TDP2: variants seen among roughly 807,000 people sequenced by gnomAD.
TDP2 encodes tyrosyl-DNA phosphodiesterase 2.
In TDP2, 38 loss-of-function variants were observed where a neutral mutation model predicts 42.8. The observed-to-expected ratio is 0.89, with a 90% CI of 0.68 to 1.16. The LOEUF (loss-of-function observed/expected upper bound fraction) is 1.16. Ranked by LOEUF, TDP2 falls within the 50% of genes most tolerant of loss-of-function variation. TDP2 has a pLI of 0.00. For synonymous variants in TDP2, 173 were observed against 150.6 expected (o/e 1.15, Z -1.09); for missense variants, 439 against 439.3 (o/e 1.00, Z 0.01).
chr6:24,656,108 A>G (rs1778057239), intron 4 of TDP2, among the ~76,000 whole-genome samples: 1 of 152,240 alleles, frequency 6.6e-6, no homozygotes, highest in African/African-American at 2.4e-5. Flanking sequence ...AAAACAATGC[A>G]GGGAAAGAGA....
chr6:24,650,937 G>T lies in TDP2; in HGVS notation c.940C>A (p.Arg314Ser). 1 of 1,614,084 alleles carries T rather than the reference G, an allele frequency of 6.2e-7. No individual in the cohort carries two copies. Among genetic ancestry groups the T allele is most frequent in the Non-Finnish European group, 8.5e-7 (1 of 1,180,010 alleles). ...NLGITAACKL[R>S]FDRIFFRAAA... Reference sequence around the variant, plus strand: ...GCTCTGAAAAATATTCGATCAAAACGAAGTTTACAAGCAGCAGTTATTCCA... The same window carrying T: ...GCTCTGAAAAATATTCGATCAAAACTAAGTTTACAAGCAGCAGTTATTCCA... The change falls in exon 7 of 7, where the codon CGT becomes AGT. Residue 314 changes from arginine to serine, a missense_variant. By Grantham distance (110) the Arg-to-Ser change is moderately radical. Transcript: ENST00000378198.
In TDP2 at chr6:24,653,170, A is replaced by G. The variant is rs1411492560; in HGVS notation, c.637-17T>C. On this transcript the variant is annotated splice_polypyrimidine_tract_variant and intron_variant, in intron 5 of 6. Transcript: ENST00000378198. ...CACGTTCACCTGCAGCAGGACAAAC[A>G]GTCATTAAAACTGTCCACTGACTAT... The G allele has an allele frequency of 6.2e-7, 1 of 1,613,504 alleles. No homozygotes were observed.
intron 2 of TDP2, among the ~76,000 whole-genome samples, chr6:24,659,768 CT>C (rs1778112807): frequency 6.6e-6 from 1 of 152,178 alleles, no homozygotes; most frequent in African/African-American, 2.4e-5. Flanking sequence ...GAATCCAGAC[CT>C]TAGTAGCTTG....
chr6:24,658,497 C>A, intron 3 of TDP2, 64 bp downstream of exon 3: 1 of 1,354,690 alleles, frequency 7.4e-7, no homozygotes, highest in South Asian at 1.5e-5. Context: ...AGCCCACAAC[C>A]TTGAACTGTT....
At chr6:24,658,520 C>T (rs373596614) in intron 3 of TDP2, 41 bp downstream of exon 3, 24 of 1,524,372 alleles carry the variant, frequency 1.6e-5, no homozygotes, top group African/African-American at 2.8e-5. Context: ...TTTGTATATA[C>T]ATAAGACACA....
intron 2 of TDP2, among the ~76,000 whole-genome samples, chr6:24,659,604 T>C (rs1238617921): frequency 6.6e-6 from 1 of 152,230 alleles, no homozygotes; most frequent in African/African-American, 2.4e-5. Flanking sequence ...TAAACTATGA[T>C]CCCAAATTAG....
chr6:24,657,963 T>G lies in TDP2; in HGVS notation c.426-60A>C. 3 of 1,198,926 alleles carry G rather than the reference T, an allele frequency of 2.5e-6. No individual in the cohort carries two copies. The South Asian group carries it at 4.2e-5, about 17-fold the overall frequency. 74.3% of individuals were successfully genotyped at this position (1,198,926 alleles called of 1,614,324 possible). A position where few individuals can be genotyped will look rare whatever the true frequency, so the allele number is the denominator to read the frequency against. On this transcript the variant is annotated intron_variant, in intron 3 of 6. Coordinates refer to ENST00000378198, the MANE Select transcript of TDP2 (RefSeq NM_016614.3). The stretch of plus-strand genomic sequence containing the variant: ...GTATACCATTTCATTTTCAGCTACC[T>G]AAATGAAGGAAATCCCACAACATAC...
At chr6:24,664,284 C>T (rs191409162) in intron 2 of TDP2, among the ~76,000 whole-genome samples, 105 of 146,172 alleles carry the variant, frequency 7.2e-4, no homozygotes, top group African/African-American at 2.5e-3. Context: ...CTCTGGGACA[C>T]GGGCTTTCAA....
chr6:24,660,696 T>C (rs975365562), intron 2 of TDP2, among the ~76,000 whole-genome samples: 1 of 152,220 alleles, frequency 6.6e-6, no homozygotes, highest in African/African-American at 2.4e-5. Context: ...TAGACCAATC[T>C]TGCCAATTGT....
chr6:24,657,650 A>G (rs959977865), intron 4 of TDP2, among the ~76,000 whole-genome samples, 162 bp downstream of exon 4: 7 of 152,284 alleles, frequency 4.6e-5, no homozygotes, highest in African/African-American at 1.7e-4. Context: ...TGTATAAAAT[A>G]TTCTCCTATA....
Position 24,650,751 on chromosome 6 carries a change from G to A in TDP2, c.*37C>T, listed in dbSNP as rs1447677901. 1.3e-5 allele frequency: 21 copies of A among 1,593,816 alleles called. No individual in the cohort carries two copies. The highest frequency in any genetic ancestry group is 1.8e-5 in the Non-Finnish European group (21 of 1,167,672). ...TTTCCAGAAGGTGGAAATTGTATTT[G>A]CAACAATCAGGGCAAAACCCACACT... On this transcript the variant is annotated 3_prime_UTR_variant, in exon 7 of 7. Coordinates refer to ENST00000378198, the MANE Select transcript of TDP2 (RefSeq NM_016614.3).
chr6:24,664,069 G>A (rs1582425905), intron 2 of TDP2, among the ~76,000 whole-genome samples: 1 of 152,190 alleles, frequency 6.6e-6, no homozygotes, highest in East Asian at 1.9e-4. Context: ...AAGCAGAGGA[G>A]GAAGTGCTTT....
In TDP2 at chr6:24,666,365, G is replaced by A; in HGVS notation, c.251+161C>T. 4 of 1,439,496 alleles carry A rather than the reference G, an allele frequency of 2.8e-6. No homozygotes were observed. The East Asian group carries it at 6.9e-5, about 25-fold the overall frequency. 89.2% of individuals were successfully genotyped at this position (1,439,496 alleles called of 1,614,324 possible). ...AGATCCGCTGCTGGGGCGCAACTCC[G>A]CGCAGCAGCAGCAACGCAAGCCCTG... On this transcript the variant is annotated intron_variant, in intron 2 of 6. Coordinates refer to ENST00000378198, the MANE Select transcript of TDP2 (RefSeq NM_016614.3).
chr6:24,653,582 T>G (rs1778010150), intron 5 of TDP2, among the ~76,000 whole-genome samples: 1 of 152,338 alleles, frequency 6.6e-6, no homozygotes, highest in African/African-American at 2.4e-5. Context: ...ATACAGGTAT[T>G]CCAAAAAAGT....
intron 5 of TDP2, among the ~76,000 whole-genome samples, chr6:24,654,068 C>T (rs959205096): frequency 6.6e-6 from 1 of 152,284 alleles, no homozygotes; most frequent in East Asian, 1.9e-4. Flanking sequence ...CCTTACTAAT[C>T]TATATACTAT....
In TDP2 at chr6:24,650,844, C is replaced by T. The variant is rs202040495; in HGVS notation, c.1033G>A (p.Gly345Ser). The T allele has an allele frequency of 1.1e-5, 17 of 1,614,082 alleles. No homozygotes were observed. The East Asian group carries it at 3.3e-4, about 32-fold the overall frequency. Residue 345 changes from glycine to serine, a missense_variant, in exon 7 of 7, where the codon GGT (glycine) becomes AGT (serine). Physicochemically the swap from Gly to Ser is moderately conservative, Grantham distance 56. Transcript: ENST00000378198. ...CCCCAGTGATCACTAGGAAATCTAC[C>T]ACAGTCCAGTTTTTCTAATCCAAGA... ...DLLGLEKLDCGRFPSDHWGLL... is the reference protein window; with the variant it reads ...DLLGLEKLDCSRFPSDHWGLL...
chr6:24,664,587 C>A (rs1384988896), intron 2 of TDP2, among the ~76,000 whole-genome samples: 1 of 152,126 alleles, frequency 6.6e-6, no homozygotes, highest in Non-Finnish European at 1.5e-5. Context: ...AATTGAGATT[C>A]CTGCGCCATT....
chr6:24,660,482 C>G (rs1196289906), intron 2 of TDP2, among the ~76,000 whole-genome samples: 2 of 152,096 alleles, frequency 1.3e-5, no homozygotes, highest in Admixed American at 6.6e-5. Context: ...CTAAAAATAC[C>G]TAATATAGAA....
At chr6:24,659,682 T>C (rs1039548926) in intron 2 of TDP2, among the ~76,000 whole-genome samples, 3 of 152,234 alleles carry the variant, frequency 2.0e-5, no homozygotes, top group African/African-American at 4.8e-5. Flanking sequence ...TAAGATCTCA[T>C]TGTGGCAGAT....
Sources: allele counts gnomAD v4.1 joint callset (sites outside exome capture counted in the v4.1 genomes callset), GRCh38; gene constraint gnomAD v4.1.1; transcripts MANE v1.5; gene names NCBI Gene and HGNC (gene_info 2026-07-23, HGNC 2026-07-21).